The following RTBDN variants were observed in gnomAD, a reference collection of about 807,000 sequenced individuals.
RTBDN encodes the protein retbindin.
In RTBDN, 24 loss-of-function variants were observed where a neutral mutation model predicts 21.9. That is an observed-to-expected ratio of 1.10 (90% CI 0.79 to 1.54). The LOEUF (loss-of-function observed/expected upper bound fraction) is 1.54. Among genes scored for constraint, RTBDN ranks in the 40% most tolerant of loss-of-function variants. RTBDN has a pLI of 0.00. For synonymous variants in RTBDN, 141 were observed against 125.9 expected, an observed-to-expected ratio of 1.12 and a Z score of -0.80; for missense variants, 325 against 315.2, an observed-to-expected ratio of 1.03 and a Z score of -0.23.
chr19:12,828,785 T>G lies in RTBDN; in HGVS notation c.255-18A>C. On this transcript the variant is annotated intron_variant, in intron 3 of 5. Transcript: ENST00000674343. Reference sequence around the variant, plus strand: ...ATTCGCATCTGGACGTTGGGAGAGATAGGGTCGGATGGGTCAGGACCCGAG... The same window carrying G: ...ATTCGCATCTGGACGTTGGGAGAGAGAGGGTCGGATGGGTCAGGACCCGAG... 1 of 1,613,906 alleles carries G rather than the reference T, an allele frequency of 6.2e-7. No individual in the cohort carries two copies. Among genetic ancestry groups the G allele is most frequent in the Non-Finnish European group, 8.5e-7 (1 of 1,179,816 alleles).
intron 2 of RTBDN, 120 bp downstream of exon 2, chr19:12,829,691 C>T (rs950826945): frequency 1.7e-5 from 17 of 977,570 alleles, no homozygotes; most frequent in East Asian, 5.1e-5. Context: ...CAGCACTATC[C>T]GTGCCTCCCA....
chr19:12,828,537 C>G (rs924863418), intron 4 of RTBDN, 120 bp downstream of exon 4: 4 of 697,810 alleles, frequency 5.7e-6, no homozygotes, highest in Non-Finnish European at 9.5e-6. Flanking sequence ...AGCTGCATCT[C>G]TTAAACCTTG....
intron 3 of RTBDN, 22 bp downstream of exon 3, chr19:12,828,847 C>T (rs772549393): frequency 4.3e-6 from 7 of 1,614,132 alleles, no homozygotes; most frequent in Middle Eastern, 1.7e-4. Context: ...CGCGAGAAAA[C>T]GGTGGAGGGT....
rs1969270127 is a variant in RTBDN, at chr19:12,825,834, C to T, written c.562G>A (p.Ala188Thr). The T allele has an allele frequency of 4.3e-6, 7 of 1,613,424 alleles. No individual in the cohort carries two copies. Among genetic ancestry groups the T allele is most frequent in the Non-Finnish European group, 5.1e-6 (6 of 1,179,816 alleles). ...ARHCFNISIS[A>T]VPRPRPGRRG... The stretch of plus-strand genomic sequence containing the variant: ...CGTCCTGGTCTGGGACGAGGTACCG[C>T]GGAGATGGAGATGTTGAAGCAGTGA... The change falls in exon 6 of 6, where the codon GCG becomes ACG. Residue 188 changes from alanine (A) to threonine (T), a missense_variant. Ala to Thr is a moderately conservative substitution (Grantham distance 58). Transcript: ENST00000674343.
rs1222209617 is a variant in RTBDN at position 12,829,810 on chromosome 19, C to T, written c.169+1G>A. 1.2e-6 allele frequency: 2 copies of T among 1,608,680 alleles called. No individual in the cohort carries two copies. Among genetic ancestry groups the T allele is most frequent in the Non-Finnish European group, 1.7e-6 (2 of 1,175,716 alleles). On this transcript the variant is annotated splice_donor_variant, in intron 2 of 5. Transcript: ENST00000674343. LOFTEE classifies it high-confidence loss of function. Reference sequence around the variant, plus strand: ...GGTGAGGCAGGGTCTGGGGTGCTCACCTGCCAGGTGCAGCTTGCCTTTGCC... The same window carrying T: ...GGTGAGGCAGGGTCTGGGGTGCTCATCTGCCAGGTGCAGCTTGCCTTTGCC...
chr19:12,829,908 C>T lies in RTBDN; in HGVS notation c.72G>A (p.Leu24=), dbSNP rs375258592. 1.2e-5 allele frequency: 20 copies of T among 1,614,182 alleles called. No homozygotes were observed. Among genetic ancestry groups the T allele is most frequent in the Non-Finnish European group, 1.4e-5 (17 of 1,180,028 alleles). The part of the protein sequence containing the change: ...WVLQLTLAWI[L]LEACGGSRPL... ...GGCGGCTCCCTCCACAGGCTTCTAGCAGGATCCATGCCAAGGTCAGTTGCA... is the reference window on the plus strand; with the variant it reads ...GGCGGCTCCCTCCACAGGCTTCTAGTAGGATCCATGCCAAGGTCAGTTGCA... The change falls in exon 2 of 6, where the codon CTG becomes CTA. Residue 24 remains leucine, a synonymous_variant. Transcript: ENST00000674343.
chr19:12,830,838 A>T lies in RTBDN; in HGVS notation c.-18-841T>A, dbSNP rs963978112. Among the ~76,000 whole-genome samples, 4 of 146,824 alleles carry T rather than the reference A, an allele frequency of 2.7e-5. No homozygotes were observed. Among genetic ancestry groups the T allele is most frequent in the Non-Finnish European group, 6.1e-5 (4 of 66,082 alleles). ...AAGCTCTGTATCTATATATGTGGGG[A>T]GTGTGTGTGTGTGTGTGTGTGTGTA... is the stretch of plus-strand genomic sequence containing the variant. On this transcript the variant is annotated intron_variant, in intron 1 of 5. Transcript: ENST00000674343. This position sits in a 1 kb window ranked among gnomAD's most constrained non-coding sequence, Gnocchi z 4.2.
Position 12,825,802 on chromosome 19 carries a change from G to T in RTBDN, c.594C>A (p.Gly198=). 1 of 1,612,150 alleles carries T rather than the reference G, an allele frequency of 6.2e-7. No individual in the cohort carries two copies. The highest frequency in any genetic ancestry group is 1.7e-5 in the Admixed American group (1 of 59,902). The change falls in exon 6 of 6, where the codon GGC becomes GGA. Residue 198 remains glycine, a synonymous_variant. Transcript: ENST00000674343. The part of the protein sequence containing the change: ...AVPRPRPGRR[G]REAPSRRSRS... ...GGGAACGCCGGGAGGGAGCTTCCCGGCCCCGTCGTCCTGGTCTGGGACGAG... is the reference window on the plus strand; with the variant it reads ...GGGAACGCCGGGAGGGAGCTTCCCGTCCCCGTCGTCCTGGTCTGGGACGAG...
At chr19:12,831,810 C>A (rs1568400987) in intron 1 of RTBDN, among the ~76,000 whole-genome samples, 1 of 152,196 alleles carries the variant, frequency 6.6e-6, no homozygotes, top group South Asian at 2.1e-4. Context: ...AACATCCCTG[C>A]AGAGGGTATG....
chr19:12,826,135 A>C, intron 5 of RTBDN: 89 of 1,344,006 alleles, frequency 6.6e-5, no homozygotes, highest in Middle Eastern at 2.4e-4. Flanking sequence ...AGCGGGATGA[A>C]TCAGGGTTGG....
chr19:12,826,280 G>T, intron 5 of RTBDN: 1 of 1,230,160 alleles, frequency 8.1e-7, no homozygotes, highest in Non-Finnish European at 1.0e-6. Context: ...GGCAAATCTG[G>T]ACTTCGAGAG....
In RTBDN at chr19:12,834,089, A is replaced by T. The variant is rs1969673673; in HGVS notation, c.-19+400T>A. ...CTGGGCAGGAGGCGGGAGAACTTGCACTAGGGTCAGCCGGGACGCCCCCAC... is the reference window on the plus strand; with the variant it reads ...CTGGGCAGGAGGCGGGAGAACTTGCTCTAGGGTCAGCCGGGACGCCCCCAC... On this transcript the variant is annotated intron_variant, in intron 1 of 5. Coordinates refer to ENST00000674343, the MANE Select transcript of RTBDN (RefSeq NM_001270441.2). The surrounding 1 kb of genome is among the most constrained non-coding windows in gnomAD (Gnocchi z 4.7). The T allele has an allele frequency of 2.5e-6, 1 of 398,442 alleles. No individual in the cohort carries two copies. The highest frequency in any genetic ancestry group is 1.2e-4 in the South Asian group (1 of 8,056). 24.7% of individuals were successfully genotyped at this position (398,442 alleles called of 1,614,324 possible).
intron 2 of RTBDN, 189 bp from the exon 3 acceptor site, chr19:12,829,142 A>ATCAAC (rs1378369899): frequency 2.1e-6 from 2 of 958,302 alleles, no homozygotes; most frequent in Non-Finnish European, 3.0e-6. Context: ...GTTTATAATA[A>ATCAAC]TCAACTTACT....
intron 5 of RTBDN, 92 bp from the exon 6 acceptor site, chr19:12,826,025 G>A (rs1266423218): frequency 6.9e-7 from 1 of 1,444,082 alleles, no homozygotes; most frequent in Non-Finnish European, 9.1e-7. Context: ...AAATTCCTTA[G>A]GGATTGGGGT....
intron 4 of RTBDN, 51 bp from the exon 5 acceptor site, chr19:12,826,922 G>A: frequency 7.7e-7 from 1 of 1,303,224 alleles, no homozygotes. Flanking sequence ...TTACATTCCA[G>A]CGCGATTCTG....
In RTBDN at chr19:12,825,611, A is replaced by G. The variant is rs1036768974; in HGVS notation, c.*95T>C. 19 of 1,457,570 alleles carry G rather than the reference A, an allele frequency of 1.3e-5. No homozygotes were observed. In the South Asian group the frequency reaches 2.3e-4, roughly 18 times the overall value. 90.3% of individuals were successfully genotyped at this position (1,457,570 alleles called of 1,614,324 possible). The stretch of plus-strand genomic sequence containing the variant: ...GAGGGACAGACATCTCAAAACTATT[A>G]CAGAAGGCCGAGAGGACGAGGGGTG... On this transcript the variant is annotated 3_prime_UTR_variant, in exon 6 of 6. Transcript: ENST00000674343.
At position 12,829,859 on chromosome 19, in the gene RTBDN, G is replaced by A; in HGVS notation, c.121C>T (p.His41Tyr). ...CCCAGATCAGCTGCCAGCCCATGGT[G>A]TTGCTGGGACCTGGCTTGGAGTGGG... ...SRPLQARSQQHHGLAADLGKG... is the reference protein window; with the variant it reads ...SRPLQARSQQYHGLAADLGKG... The change falls in exon 2 of 6, where the codon CAC (histidine) becomes TAC (tyrosine). Residue 41 changes from histidine (H) to tyrosine (Y), a missense_variant. By Grantham distance (83) the His-to-Tyr change is moderately conservative. Coordinates refer to ENST00000674343, the MANE Select transcript of RTBDN (RefSeq NM_001270441.2). 6.2e-7 allele frequency: 1 copy of A among 1,614,128 alleles called. No homozygotes were observed.
intron 2 of RTBDN, 81 bp downstream of exon 2, chr19:12,829,730 T>G: frequency 6.8e-7 from 1 of 1,459,936 alleles, no homozygotes; most frequent in Non-Finnish European, 9.4e-7. Context: ...GCCCCTCTCA[T>G]AAGGAAATTC....
upstream of RTBDN, chr19:12,834,898 C>T: frequency 6.3e-7 from 1 of 1,599,398 alleles, no homozygotes. This position sits in a 1 kb window ranked among gnomAD's most constrained non-coding sequence, Gnocchi z 4.7. Context: ...CGGTCCCAAA[C>T]ATCCCAGAGG....
Sources: allele counts gnomAD v4.1 joint callset (sites outside exome capture counted in the v4.1 genomes callset), GRCh38; gene constraint gnomAD v4.1.1; non-coding constraint Gnocchi (gnomAD v3.1); transcripts MANE v1.5; gene names NCBI Gene and HGNC (gene_info 2026-07-23, HGNC 2026-07-21).